TG: variants seen among roughly 807,000 people sequenced by gnomAD.
The protein encoded by TG is thyroid hormones.
TG carries 270 observed loss-of-function variants against 324.7 expected under a neutral mutation model. That is an observed-to-expected ratio of 0.83 (90% CI 0.75 to 0.92). The LOEUF (loss-of-function observed/expected upper bound fraction) is 0.92. Among genes scored for constraint, TG ranks in the 40% least tolerant of loss-of-function variants. The probability of loss-of-function intolerance (pLI) is 0.00; values close to 1 mark genes in which losing one functional copy is unlikely to be tolerated. For synonymous variants in TG, 1,401 were observed against 1,327.0 expected (o/e 1.06, Z -1.21); for missense variants, 3,591 against 3,456.4 (o/e 1.04, Z -0.98).
intron 41 of TG, 84 bp from the exon 42 acceptor site, chr8:133,094,960 C>T: frequency 6.3e-7 from 1 of 1,590,166 alleles, no homozygotes; most frequent in Non-Finnish European, 8.6e-7. Flanking sequence ...GGATGCAGAA[C>T]CCTGATGTGG....
At chr8:132,958,077 T>C (rs1025286849) in intron 27 of TG, among the ~76,000 whole-genome samples, 1 of 152,200 alleles carries the variant, frequency 6.6e-6, no homozygotes, top group Non-Finnish European at 1.5e-5. Context: ...CTTAGAATAA[T>C]AGTCTCCAGT....
At position 132,948,872 on chromosome 8, in the gene TG, G is replaced by A. The variant is rs772180170; in HGVS notation, c.5330G>A (p.Cys1777Tyr). 2 of 1,613,906 alleles carry A rather than the reference G, an allele frequency of 1.2e-6. No homozygotes were observed. Among genetic ancestry groups the A allele is most frequent in the African/African-American group, 1.3e-5 (1 of 74,878 alleles). ...TCTGAAGCCTGGGCTAATGCTACAT[G>A]TCCTGGTGTGACATATGACCAGGAG... ...DPSEAWANAT[C>Y]PGVTYDQESH... Residue 1777 changes from cysteine to tyrosine, a missense_variant, in exon 27 of 48, where the codon TGT (cysteine) becomes TAT (tyrosine). Coordinates refer to ENST00000220616, the MANE Select transcript of TG (RefSeq NM_003235.5).
intron 45 of TG, among the ~76,000 whole-genome samples, chr8:133,121,147 T>C (rs1851111289): frequency 6.6e-6 from 1 of 152,176 alleles, no homozygotes; most frequent in Non-Finnish European, 1.5e-5. Context: ...AGATGAAGAC[T>C]TAGTAGGTGC....
intron 5 of TG, among the ~76,000 whole-genome samples, chr8:132,875,288 G>A (rs1189509003): frequency 6.6e-6 from 1 of 152,210 alleles, no homozygotes; most frequent in Non-Finnish European, 1.5e-5. Flanking sequence ...GTTTTATTGA[G>A]TACTTATTGC....
intron 20 of TG, among the ~76,000 whole-genome samples, chr8:132,918,428 T>C (rs1820678176): frequency 6.6e-6 from 1 of 152,164 alleles, no homozygotes; most frequent in Non-Finnish European, 1.5e-5. Context: ...AACTCCACTC[T>C]CGGAGGGAGG....
rs189633721 is a variant in TG at position 132,932,385 on chromosome 8, A to G, written c.4817-1176A>G. Among the ~76,000 whole-genome samples the G allele has an allele frequency of 1.6e-4, 25 of 152,254 alleles. No individual in the cohort carries two copies. In the East Asian group the frequency reaches 4.2e-3, roughly 26 times the overall value. ...CTTTCCCTCGCCTTTCAGCTGGGCA[A>G]ATACAGGGGGAAGGGCTCAGGAATT... is the stretch of plus-strand genomic sequence containing the variant. On this transcript the variant is annotated intron_variant, in intron 23 of 47. Coordinates refer to ENST00000220616, the MANE Select transcript of TG (RefSeq NM_003235.5).
At chr8:132,945,299 C>T (rs1825085234) in intron 26 of TG, among the ~76,000 whole-genome samples, 3 of 152,064 alleles carry the variant, frequency 2.0e-5, no homozygotes, top group Admixed American at 2.0e-4. Flanking sequence ...TAAAGCATCC[C>T]CAGGAGGCAA....
intron 41 of TG, chr8:133,050,104 A>G: frequency 1.3e-6 from 1 of 771,878 alleles, no homozygotes; most frequent in South Asian, 1.4e-5. Flanking sequence ...CTCTTTTAAG[A>G]TCTGTCACTG....
intron 17 of TG, 114 bp from the exon 18 acceptor site, chr8:132,908,072 G>A (rs1476504827): frequency 4.1e-6 from 5 of 1,205,254 alleles, no homozygotes; most frequent in Non-Finnish European, 6.0e-6. Context: ...AAATGGCAGT[G>A]CTTATGTGTT....
intron 29 of TG, among the ~76,000 whole-genome samples, chr8:132,963,716 G>A (rs1296832046): frequency 1.9e-4 from 2 of 10,572 alleles, no homozygotes; most frequent in East Asian, 0.012. Context: ...TGCATGCATG[G>A]ACGCACTGTA....
In TG at chr8:133,013,732, G is replaced by A. The variant is rs761804509; in HGVS notation, c.6530G>A (p.Arg2177His). The A allele has an allele frequency of 1.4e-5, 22 of 1,612,704 alleles. No individual in the cohort carries two copies. The highest frequency in any genetic ancestry group is 5.5e-5 in the South Asian group (5 of 91,074). ...GGTCAGAACTGCCGACTTCTGCTTC[G>A]TGAAGAGGCCACCCACATCTACCGG... ...LQGQNCRLLL[R>H]EEATHIYRKP... Residue 2177 changes from arginine to histidine, a missense_variant, in exon 37 of 48, where the codon CGT (arginine) becomes CAT (histidine). Transcript: ENST00000220616.
At chr8:132,902,253 T>G (rs559519250) in intron 16 of TG, among the ~76,000 whole-genome samples, 1 of 152,342 alleles carries the variant, frequency 6.6e-6, no homozygotes, top group East Asian at 1.9e-4. Context: ...GATTCTGAGT[T>G]AGCCACAGTT....
chr8:132,977,281 G>T (rs917588961), intron 34 of TG, among the ~76,000 whole-genome samples: 1 of 152,058 alleles, frequency 6.6e-6, no homozygotes, highest in African/African-American at 2.4e-5. Flanking sequence ...CTTGCAGGAT[G>T]GATAGGATCC....
intron 35 of TG, among the ~76,000 whole-genome samples, chr8:132,986,524 C>G (rs1831577529): frequency 6.6e-6 from 1 of 152,076 alleles, no homozygotes. Flanking sequence ...TTCCTACTCT[C>G]ACGATGCTCA....
intron 43 of TG, among the ~76,000 whole-genome samples, chr8:133,100,618 C>T (rs1849092315): frequency 2.0e-5 from 3 of 152,140 alleles, no homozygotes; most frequent in African/African-American, 7.2e-5. Flanking sequence ...CAGAGAGAAA[C>T]CAGAATTAAA....
chr8:133,077,024 T>C (rs1844994461), intron 41 of TG, among the ~76,000 whole-genome samples: 1 of 152,128 alleles, frequency 6.6e-6, no homozygotes, highest in African/African-American at 2.4e-5. Context: ...AATGGGTTGA[T>C]GGGACCGAGG....
At chr8:132,899,163 G>A (rs1343620319) in intron 14 of TG, among the ~76,000 whole-genome samples, 3 of 152,060 alleles carry the variant, frequency 2.0e-5, no homozygotes, top group Non-Finnish European at 4.4e-5. Context: ...GGTTTGTTTT[G>A]AGACTCCAAG....
intron 7 of TG, 77 bp from the exon 8 acceptor site, chr8:132,882,737 G>C: frequency 6.2e-7 from 1 of 1,612,478 alleles, no homozygotes; most frequent in Non-Finnish European, 8.5e-7. Context: ...GAATCGTTAA[G>C]AGCAAACAGC....
chr8:132,891,198 G>T (rs990869668), intron 10 of TG, among the ~76,000 whole-genome samples: 1 of 152,106 alleles, frequency 6.6e-6, no homozygotes, highest in South Asian at 2.1e-4. Context: ...TTGCAGATGT[G>T]GCAGGCCCTT....
Sources: gnomAD v4.1 joint callset for allele counts (sites outside exome capture counted in the v4.1 genomes callset) on GRCh38, gnomAD v4.1.1 for gene constraint, MANE v1.5 for transcripts, NCBI Gene and HGNC (gene_info 2026-07-23, HGNC 2026-07-21) for gene names.